Variants in SCN8A observed in about 807,000 individuals in gnomAD.
SCN8A encodes sodium channel protein type 8 subunit alpha.
A neutral mutation model predicts 184.1 loss-of-function variants in SCN8A; 30 were observed. The ratio of observed to expected loss-of-function variants is 0.16; its 90% CI spans 0.12 to 0.22. SCN8A has a LOEUF of 0.22. Ranked by LOEUF, SCN8A falls within the 10% of genes least tolerant of loss-of-function variation. The pLI is 1.00. For missense variants in SCN8A, 1,057 were observed against 2,498.9 expected (o/e 0.42, Z 12.30); for synonymous variants, 852 against 907.0 (o/e 0.94, Z 1.09).
Position 51,674,126 on chromosome 12 carries a change from C to A in SCN8A, c.277-10048C>A, listed in dbSNP as rs1169356301. Among the ~76,000 whole-genome samples the A allele has an allele frequency of 2.6e-5, 4 of 152,134 alleles. No homozygotes were observed. In the East Asian group the frequency reaches 5.8e-4, roughly 22 times the overall value. On this transcript the variant is annotated intron_variant, in intron 2 of 26. Transcript: ENST00000627620. ...TAAGACAGGAGATAAAGCCTAGAGG[C>A]AGGTTGGAGCCAATGAGTGCATCCT...
chr12:51,701,719 A>G (rs1019296806), intron 8 of SCN8A, among the ~76,000 whole-genome samples: 4 of 152,162 alleles, frequency 2.6e-5, no homozygotes, highest in Non-Finnish European at 5.9e-5. Flanking sequence ...TTAATAAGCC[A>G]TGCTCTCTCT....
At chr12:51,721,954 AC>A in intron 12 of SCN8A, 46 bp downstream of exon 12, 1 of 1,599,232 alleles carries the variant, frequency 6.3e-7, no homozygotes, top group Non-Finnish European at 8.5e-7. Flanking sequence ...AAGGAAGAAC[AC>A]AAATAGATCG....
chr12:51,801,131 A>G (rs1193848083), intron 26 of SCN8A, among the ~76,000 whole-genome samples: 3 of 150,854 alleles, frequency 2.0e-5, no homozygotes, highest in South Asian at 2.1e-4. Context: ...TAATTAGCCA[A>G]TGCCAGAGCT....
chr12:51,654,766 C>G (rs895873033), intron 1 of SCN8A, among the ~76,000 whole-genome samples: 2 of 152,152 alleles, frequency 1.3e-5, no homozygotes, highest in African/African-American at 4.8e-5. Context: ...CCTGCTTTGG[C>G]CTCCCAAAAT....
chr12:51,666,074 A>G (rs969258829), intron 2 of SCN8A, among the ~76,000 whole-genome samples: 1 of 152,296 alleles, frequency 6.6e-6, no homozygotes, highest in South Asian at 2.1e-4. Flanking sequence ...AAAAGAAAAA[A>G]AGAAAGAAAT....
intron 18 of SCN8A, 39 bp from the exon 19 acceptor site, chr12:51,770,490 C>T (rs372143494): frequency 5.9e-6 from 9 of 1,526,224 alleles, no homozygotes; most frequent in South Asian, 5.1e-5. Context: ...GGGCGGGGCA[C>T]GTTTCCACGG....
intron 11 of SCN8A, chr12:51,712,515 C>A: frequency 1.3e-6 from 1 of 773,420 alleles, no homozygotes; most frequent in Non-Finnish European, 2.4e-6. Flanking sequence ...GCATAACCAC[C>A]ACCATAGGGA....
intron 1 of SCN8A, among the ~76,000 whole-genome samples, chr12:51,652,777 T>G (rs974449747): frequency 2.6e-5 from 4 of 152,206 alleles, no homozygotes; most frequent in African/African-American, 7.2e-5. Flanking sequence ...CAAACTTGGT[T>G]AGATGTCTTG....
chr12:51,646,991 T>C (rs1773882754), intron 1 of SCN8A, among the ~76,000 whole-genome samples: 1 of 152,200 alleles, frequency 6.6e-6, no homozygotes, highest in Admixed American at 6.5e-5. Context: ...ATTGTAATCA[T>C]TGGATTGACT....
chr12:51,685,178 A>G (rs907396929), intron 3 of SCN8A, among the ~76,000 whole-genome samples: 1 of 152,244 alleles, frequency 6.6e-6, no homozygotes, highest in Non-Finnish European at 1.5e-5. Flanking sequence ...TTTATAAGGA[A>G]ATAAATAATT....
chr12:51,618,523 G>A (rs1939895090), intron 1 of SCN8A, among the ~76,000 whole-genome samples: 2 of 147,812 alleles, frequency 1.4e-5, no homozygotes, highest in Admixed American at 6.7e-5. Context: ...AGAAAAAAAG[G>A]CAAAACTCTG....
intron 20 of SCN8A, 143 bp from the exon 21 acceptor site, chr12:51,780,506 A>C: frequency 1.7e-6 from 1 of 575,246 alleles, no homozygotes. Flanking sequence ...TGGGGGGCCC[A>C]ATCTGTGTCT....
Position 51,808,538 on chromosome 12 carries a change from G to A in SCN8A, c.*1109G>A, listed in dbSNP as rs1273563297. 1 of 152,480 alleles carries A rather than the reference G, an allele frequency of 6.6e-6. No individual in the cohort carries two copies. The highest frequency in any genetic ancestry group is 1.5e-5 in the Non-Finnish European group (1 of 68,004). 9.4% of individuals were successfully genotyped at this position (152,480 alleles called of 1,614,324 possible). A position where few individuals can be genotyped will look rare whatever the true frequency, so the allele number is the denominator to read the frequency against. ...TAAAAAAAAAATTCATTTGTATCTT[G>A]CAATATTTATGACGATCGTTTAGCC... On this transcript the variant is annotated 3_prime_UTR_variant, in exon 27 of 27. Coordinates refer to ENST00000627620, the MANE Select transcript of SCN8A (RefSeq NM_001330260.2).
chr12:51,725,699 T>C (rs1311994827), intron 12 of SCN8A, among the ~76,000 whole-genome samples: 1 of 152,220 alleles, frequency 6.6e-6, no homozygotes, highest in African/African-American at 2.4e-5. Context: ...CAGTCACTTA[T>C]CTTAGAAGGA....
rs1025517133 is a variant in SCN8A at position 51,773,345 on chromosome 12, G to A, written c.3646-844G>A. On this transcript the variant is annotated intron_variant, in intron 19 of 26. Coordinates refer to ENST00000627620, the MANE Select transcript of SCN8A (RefSeq NM_001330260.2). ...AGTCCACCACTCTGCAGATGGGAAT[G>A]CTCACACCACCATATAAGGGATTAT... is the stretch of plus-strand genomic sequence containing the variant. Among the ~76,000 whole-genome samples, 7 of 152,318 alleles carry A rather than the reference G, an allele frequency of 4.6e-5. No individual in the cohort carries two copies. The South Asian group carries it at 1.5e-3, about 32-fold the overall frequency.
chr12:51,698,254 T>C (rs1290686554), intron 6 of SCN8A, among the ~76,000 whole-genome samples: 1 of 152,174 alleles, frequency 6.6e-6, no homozygotes, highest in African/African-American at 2.4e-5. Context: ...AAACAGATTC[T>C]AAGAGGTTAG....
At chr12:51,692,490 A>G (rs1941528069) in intron 6 of SCN8A, among the ~76,000 whole-genome samples, 2 of 152,196 alleles carry the variant, frequency 1.3e-5, no homozygotes, top group Non-Finnish European at 2.9e-5. Flanking sequence ...TGACTTGGAT[A>G]CATACTATTT....
At chr12:51,779,330 A>G (rs540826153) in intron 20 of SCN8A, among the ~76,000 whole-genome samples, 48 of 152,290 alleles carry the variant, frequency 3.2e-4, no homozygotes, top group Admixed American at 9.8e-4. Context: ...CTCTCAGCTC[A>G]GGCCCAGGAA....
chr12:51,760,310 G>A (rs1942743143), intron 14 of SCN8A, among the ~76,000 whole-genome samples: 1 of 152,174 alleles, frequency 6.6e-6, no homozygotes, highest in African/African-American at 2.4e-5. Context: ...AGTTATAGGT[G>A]TATTTTGACA....
Sources: gnomAD v4.1 joint callset for allele counts (sites outside exome capture counted in the v4.1 genomes callset) on GRCh38, gnomAD v4.1.1 for gene constraint, MANE v1.5 for transcripts, NCBI Gene and HGNC (gene_info 2026-07-23, HGNC 2026-07-21) for gene names.